The following RBM34 variants were observed in gnomAD, a reference collection of about 807,000 sequenced individuals.
RBM34 encodes the protein RNA binding motif protein 34.
RBM34 carries 39 observed loss-of-function variants against 44.6 expected under a neutral mutation model. The ratio of observed to expected loss-of-function variants is 0.87; its 90% CI spans 0.68 to 1.14. The LOEUF is 1.14. RBM34 is among the 50% of genes most tolerant of loss of function. RBM34 has a pLI of 0.00. For missense variants in RBM34, 572 were observed against 517.9 expected, an observed-to-expected ratio of 1.10 and a Z score of -1.01; for synonymous variants, 194 against 184.0, an observed-to-expected ratio of 1.05 and a Z score of -0.44.
Position 235,154,900 on chromosome 1 carries a change from G to A in RBM34, c.578C>T (p.Pro193Leu). ...ACTCACCTTCTTATTACATGTAACA[G>A]GCAAATTCCCAACAAACACAGTTCT... ...NERTVFVGNL[P>L]VTCNKKKLKS... Residue 193 changes from proline to leucine, a missense_variant, in exon 4 of 11, where the codon CCT becomes CTT. Transcript: ENST00000408888. 1 of 1,613,512 alleles carries A rather than the reference G, an allele frequency of 6.2e-7. No homozygotes were observed. The highest frequency in any genetic ancestry group is 1.3e-5 in the African/African-American group (1 of 75,000).
At chr1:235,146,551 A>G (rs1054494042) in intron 6 of RBM34, among the ~76,000 whole-genome samples, 8 of 152,226 alleles carry the variant, frequency 5.3e-5, no homozygotes, top group Admixed American at 1.3e-4. Flanking sequence ...AGAAGCTTAC[A>G]TAAGAAACTA....
intron 3 of RBM34, among the ~76,000 whole-genome samples, chr1:235,157,330 A>T (rs1273216241): frequency 6.6e-6 from 1 of 152,174 alleles, no homozygotes; most frequent in Non-Finnish European, 1.5e-5. Flanking sequence ...AGAGATAATT[A>T]AAAAACAGCA....
chr1:235,153,033 C>A (rs1247248151), intron 4 of RBM34, among the ~76,000 whole-genome samples: 1 of 152,094 alleles, frequency 6.6e-6, no homozygotes, highest in African/African-American at 2.4e-5. Context: ...CCATGCTCAG[C>A]TAATTTTCGT....
rs374546141 is a variant in RBM34 at position 235,148,431 on chromosome 1, G to A, written c.674C>T (p.Thr225Met). ...TATTGCTGCCAACTTTTTGGATAGC[G>A]TTCCCTCTGCTGGAATCTTTCAAGA... Reference protein sequence around the residue: ...RFRSLIPAEGTLSKKLAAIKR... With the variant: ...RFRSLIPAEGMLSKKLAAIKR... Residue 225 changes from threonine to methionine, a missense_variant, in exon 6 of 11, where the codon ACG becomes ATG. Coordinates refer to ENST00000408888, the MANE Select transcript of RBM34 (RefSeq NM_015014.4). The A allele has an allele frequency of 1.1e-4, 174 of 1,593,420 alleles. 3 individuals are homozygous for A. The South Asian group carries it at 1.3e-3, about 12-fold the overall frequency.
chr1:235,154,806 AC>A (rs1198845130), intron 4 of RBM34, 74 bp downstream of exon 4: 2 of 1,115,742 alleles, frequency 1.8e-6, no homozygotes, highest in African/African-American at 3.1e-5. Flanking sequence ...TCCATGACTT[AC>A]TATTGAATGC....
At chr1:235,132,702 T>A (rs1361683319) in intron 10 of RBM34, among the ~76,000 whole-genome samples, 1 of 152,144 alleles carries the variant, frequency 6.6e-6, no homozygotes, top group African/African-American at 2.4e-5. Context: ...CAGGGAACGC[T>A]CCATTACGAG....
intron 6 of RBM34, among the ~76,000 whole-genome samples, chr1:235,142,862 A>G (rs1347346693): frequency 7.5e-6 from 1 of 133,228 alleles, no homozygotes; most frequent in East Asian, 2.5e-4. Context: ...CGGGAGGCGG[A>G]GGTTGCAGTG....
intron 3 of RBM34, among the ~76,000 whole-genome samples, chr1:235,159,474 G>C (rs1170057287): frequency 1.3e-5 from 2 of 151,566 alleles, no homozygotes; most frequent in Non-Finnish European, 2.9e-5. Context: ...CTTGAACCCA[G>C]GAGGCGGAGG....
chr1:235,151,767 T>G (rs990805086), intron 5 of RBM34, among the ~76,000 whole-genome samples: 2 of 152,134 alleles, frequency 1.3e-5, no homozygotes, highest in African/African-American at 2.4e-5. Context: ...GTGCAGTGAC[T>G]CACACCTGTA....
chr1:235,153,761 A>G (rs1032375000), intron 4 of RBM34, among the ~76,000 whole-genome samples: 1 of 152,158 alleles, frequency 6.6e-6, no homozygotes, highest in African/African-American at 2.4e-5. Flanking sequence ...AATCAAGTAG[A>G]GTTTAAACTG....
Position 235,160,604 on chromosome 1 carries a change from G to T in RBM34, c.272C>A (p.Thr91Lys). 4 of 1,613,750 alleles carry T rather than the reference G, an allele frequency of 2.5e-6. No individual in the cohort carries two copies. The highest frequency in any genetic ancestry group is 3.4e-6 in the Non-Finnish European group (4 of 1,179,878). ...KTKRNEEEES[T>K]SQIERPLSQE... Reference sequence around the variant, plus strand: ...CGAAAGTGGTCTTTCAATCTGGGATGTACTTTCTTCCTCCTCATTCCGTTT... The same window carrying T: ...CGAAAGTGGTCTTTCAATCTGGGATTTACTTTCTTCCTCCTCATTCCGTTT... Residue 91 changes from threonine (T) to lysine (K), a missense_variant, in exon 3 of 11, where the codon ACA (threonine) becomes AAA (lysine). Coordinates refer to ENST00000408888, the MANE Select transcript of RBM34 (RefSeq NM_015014.4).
intron 5 of RBM34, 46 bp from the exon 6 acceptor site, chr1:235,148,493 T>C (rs533273889): frequency 7.8e-6 from 11 of 1,417,028 alleles, no homozygotes; most frequent in Non-Finnish European, 1.1e-5. Flanking sequence ...TTTGAAGTAT[T>C]ACCTCAAATT....
intron 6 of RBM34, 68 bp downstream of exon 6, chr1:235,148,336 T>C: frequency 8.4e-7 from 1 of 1,188,160 alleles, no homozygotes; most frequent in Non-Finnish European, 1.2e-6. Flanking sequence ...TGTTAAGAAA[T>C]GGTCTCACTT....
At chr1:235,146,854 G>C (rs761817977) in intron 6 of RBM34, among the ~76,000 whole-genome samples, 14 of 152,130 alleles carry the variant, frequency 9.2e-5, no homozygotes, top group Non-Finnish European at 1.5e-4. Context: ...CTCCTGGCCT[G>C]AAGTGATCCA....
At chr1:235,154,811 T>C (rs1440269490) in intron 4 of RBM34, 70 bp downstream of exon 4, 4 of 1,197,778 alleles carry the variant, frequency 3.3e-6, no homozygotes, top group Non-Finnish European at 3.7e-6. Context: ...GACTTACTAT[T>C]GAATGCTTAT....
chr1:235,153,987 C>T (rs544388045), intron 4 of RBM34, among the ~76,000 whole-genome samples: 151 of 152,298 alleles, frequency 9.9e-4, no homozygotes, highest in African/African-American at 3.4e-3. Context: ...TTGCTCATGC[C>T]TGTAATCCCA....
chr1:235,149,433 G>A (rs1662066167), intron 5 of RBM34, among the ~76,000 whole-genome samples: 3 of 148,856 alleles, frequency 2.0e-5, no homozygotes. Context: ...AAAAAGAAAT[G>A]TTTATAAATT....
In RBM34 at chr1:235,131,569, G is replaced by A; in HGVS notation, c.*144C>T. 2.2e-6 allele frequency: 2 copies of A among 906,858 alleles called. No individual in the cohort carries two copies. Among genetic ancestry groups the A allele is most frequent in the Non-Finnish European group, 3.3e-6 (2 of 608,468 alleles). The allele number at this position is 906,858 out of a possible 1,614,324, so 56.2% of individuals were successfully genotyped here. On this transcript the variant is annotated 3_prime_UTR_variant, in exon 11 of 11. Transcript: ENST00000408888. ...TAGTATCACAATGTGAATAAACTGA[G>A]AATGTGGAAGTCTCCACATTTCACA...
At chr1:235,150,550 G>C (rs1051773052) in intron 5 of RBM34, among the ~76,000 whole-genome samples, 1 of 152,106 alleles carries the variant, frequency 6.6e-6, no homozygotes, top group Non-Finnish European at 1.5e-5. Flanking sequence ...CTTTAAGGAA[G>C]GATTCCAGGC....
Sources: gnomAD v4.1 joint callset for allele counts (sites outside exome capture counted in the v4.1 genomes callset) on GRCh38, gnomAD v4.1.1 for gene constraint, MANE v1.5 for transcripts, NCBI Gene and HGNC (gene_info 2026-07-23, HGNC 2026-07-21) for gene names.